CEPT1: variants seen among roughly 807,000 people sequenced by gnomAD.
The protein encoded by CEPT1 is choline/ethanolamine phosphotransferase 1, also known as choline/ethanolaminephosphotransferase 1.
CEPT1 carries 7 observed loss-of-function variants against 42.6 expected under a neutral mutation model. That is an observed-to-expected ratio of 0.16 (90% CI 0.09 to 0.31). CEPT1 has a LOEUF of 0.31. Among genes scored for constraint, CEPT1 ranks in the 10% least tolerant of loss-of-function variants. CEPT1 has a pLI of 1.00. For synonymous variants in CEPT1, 171 were observed against 171.9 expected (o/e 0.99, Z 0.04); for missense variants, 306 against 502.1 (o/e 0.61, Z 3.73).
At chr1:111,182,736 G>T in intron 6 of CEPT1, 63 bp from the exon 7 acceptor site, 1 of 1,398,904 alleles carries the variant, frequency 7.1e-7, no homozygotes, top group Non-Finnish European at 9.7e-7. Flanking sequence ...CTGTTCTGCA[G>T]CAGATCCATG....
intron 1 of CEPT1, among the ~76,000 whole-genome samples, chr1:111,144,500 A>G (rs987295631): frequency 1.3e-5 from 2 of 152,226 alleles, no homozygotes; most frequent in African/African-American, 4.8e-5. Context: ...CAAAATGTAG[A>G]TGTTTATAAA....
chr1:111,158,436 C>T (rs150877372), intron 2 of CEPT1, among the ~76,000 whole-genome samples: 19 of 152,216 alleles, frequency 1.2e-4, no homozygotes, highest in African/African-American at 2.9e-4. Flanking sequence ...TCCTTGAAAA[C>T]GTGACTGTGG....
intron 1 of CEPT1, among the ~76,000 whole-genome samples, chr1:111,146,843 A>G (rs1351153817): frequency 6.6e-6 from 1 of 151,512 alleles, no homozygotes; most frequent in Non-Finnish European, 1.5e-5. Flanking sequence ...CTGCTAATAC[A>G]TATATACTGT....
intron 4 of CEPT1, among the ~76,000 whole-genome samples, chr1:111,165,934 A>G (rs1466394388): frequency 1.3e-5 from 2 of 152,238 alleles, no homozygotes; most frequent in East Asian, 3.8e-4. Context: ...CTTGATAATA[A>G]AAAACTGTTG....
chr1:111,168,942 A>T (rs1218008301), intron 4 of CEPT1, among the ~76,000 whole-genome samples: 1 of 152,182 alleles, frequency 6.6e-6, no homozygotes, highest in East Asian at 1.9e-4. Context: ...ATGCAGGGAT[A>T]CTCAGGTTCC....
intron 2 of CEPT1, among the ~76,000 whole-genome samples, chr1:111,151,120 TTTTGTTTG>T (rs1480905590): frequency 6.8e-6 from 1 of 147,906 alleles, no homozygotes; most frequent in Admixed American, 6.7e-5. Flanking sequence ...GCTTGTTTTT[TTTTGTTTG>T]TTTTTTTTTT....
Position 111,147,625 on chromosome 1 carries a change from T to G in CEPT1, c.-73-17T>G. On this transcript the variant is annotated splice_polypyrimidine_tract_variant and intron_variant, in intron 1 of 8. Transcript: ENST00000357172. ...AACAAGTGTATTTTTTAATTTTTAT[T>G]TTATTTTATTTTTTAGGTAAGCACC... The G allele has an allele frequency of 1.2e-6, 1 of 838,906 alleles. No homozygotes were observed. Among genetic ancestry groups the G allele is most frequent in the East Asian group, 2.8e-5 (1 of 36,108 alleles). 52.0% of individuals were successfully genotyped at this position (838,906 alleles called of 1,614,324 possible).
rs560470654 is a variant in CEPT1, at chr1:111,159,401, G to A, written c.361G>A (p.Ala121Thr). ...TEQAPLWAYI[A>T]CACGLFIYQS... ...ACAGGCACCTCTGTGGGCATATATT[G>A]CTTGTGCCTGTGGCCTTTTCATTTA... Residue 121 changes from alanine to threonine, a missense_variant, in exon 3 of 9, where the codon GCT (alanine) becomes ACT (threonine). Ala to Thr is a moderately conservative substitution (Grantham distance 58, BLOSUM62 0). Transcript: ENST00000357172. 1.2e-5 allele frequency: 19 copies of A among 1,612,238 alleles called. No individual in the cohort carries two copies. The East Asian group carries it at 4.3e-4, about 36-fold the overall frequency.
At chr1:111,178,591 C>G (rs1419096335) in intron 5 of CEPT1, 2 of 151,508 alleles carry the variant, frequency 1.3e-5, no homozygotes, top group Non-Finnish European at 2.9e-5. Context: ...TTTTAGAATG[C>G]CTTGGAACTA....
intron 4 of CEPT1, chr1:111,167,831 GTTTTC>G (rs1322795249): frequency 2.6e-6 from 2 of 780,608 alleles, no homozygotes; most frequent in Admixed American, 6.5e-5. Context: ...TTTTTGTTTT[GTTTTC>G]TTTTCAGTAA....
intron 2 of CEPT1, 133 bp downstream of exon 2, chr1:111,148,186 G>A: frequency 1.4e-6 from 1 of 697,886 alleles, no homozygotes; most frequent in Admixed American, 2.8e-5. Context: ...CACACACTGT[G>A]ATAAAGCTTG....
intron 5 of CEPT1, chr1:111,179,095 T>A (rs1046987749): frequency 6.6e-6 from 1 of 152,232 alleles, no homozygotes; most frequent in Non-Finnish European, 1.5e-5. Context: ...GGACATTTTA[T>A]CATGCTTATA....
intron 5 of CEPT1, chr1:111,179,050 CT>C (rs942476744): frequency 1.3e-5 from 2 of 152,064 alleles, no homozygotes; most frequent in Non-Finnish European, 2.9e-5. Flanking sequence ...CAAAATGGTA[CT>C]TTTTATTTCT....
intron 5 of CEPT1, among the ~76,000 whole-genome samples, chr1:111,177,748 ACT>A (rs1656756979): frequency 6.6e-6 from 1 of 152,118 alleles, no homozygotes. Flanking sequence ...TATCTGAGGA[ACT>A]CTCAGATTCA....
At chr1:111,180,747 AGAT>A (rs574822676) in intron 5 of CEPT1, 53 of 152,356 alleles carry the variant, frequency 3.5e-4, no homozygotes, top group Non-Finnish European at 5.7e-4. Flanking sequence ...CCAACCATTA[AGAT>A]TTATGTCTTC....
chr1:111,139,557 T>C (rs1654085336), upstream of CEPT1: 1 of 151,900 alleles, frequency 6.6e-6, no homozygotes. Flanking sequence ...TGGGAAAGGG[T>C]TGAAGATTCT....
At chr1:111,156,614 T>A (rs1267068277) in intron 2 of CEPT1, among the ~76,000 whole-genome samples, 52 of 152,224 alleles carry the variant, frequency 3.4e-4, no homozygotes, top group Non-Finnish European at 1.3e-4. Context: ...TACAAATTGA[T>A]GTTGGGCTGC....
intron 4 of CEPT1, among the ~76,000 whole-genome samples, chr1:111,170,802 C>T (rs1020446953): frequency 2.0e-5 from 3 of 152,010 alleles, no homozygotes; most frequent in Non-Finnish European, 4.4e-5. Context: ...AAACAAAATC[C>T]TTCTCTTTAA....
intron 5 of CEPT1, chr1:111,178,442 T>C (rs1006980313): frequency 6.6e-5 from 10 of 151,250 alleles, no homozygotes; most frequent in African/African-American, 2.2e-4. Flanking sequence ...ATTATAGTTA[T>C]TGTTGTTGTT....
Sources: gnomAD v4.1 joint callset for allele counts (sites outside exome capture counted in the v4.1 genomes callset) on GRCh38, gnomAD v4.1.1 for gene constraint, MANE v1.5 for transcripts, NCBI Gene and HGNC (gene_info 2026-07-23, HGNC 2026-07-21) for gene names.